Variants in IQCM observed in about 807,000 individuals in gnomAD.
IQCM encodes IQ motif containing M.
IQCM carries 45 observed loss-of-function variants against 57.6 expected under a neutral mutation model. The observed-to-expected ratio is 0.78, with a 90% CI of 0.62 to 1.00. The LOEUF is 1.00. Ranked by LOEUF, IQCM falls within the 50% of genes least tolerant of loss-of-function variation. The pLI, the probability that IQCM is intolerant of heterozygous loss-of-function variation, is 0.00. For missense variants in IQCM, 468 were observed against 511.6 expected (o/e 0.91, Z 0.82); for synonymous variants, 148 against 158.9 (o/e 0.93, Z 0.51).
intron 12 of IQCM, among the ~76,000 whole-genome samples, chr4:149,484,586 A>T (rs1227007879): frequency 6.6e-6 from 1 of 152,070 alleles, no homozygotes; most frequent in African/African-American, 2.4e-5. Flanking sequence ...TGCAAAAAAA[A>T]TTAAAAACTC....
Position 149,481,701 on chromosome 4 carries a change from G to GTTTTTTTTTTTTGTTTTTTGTTTTTT in IQCM, c.1229-48145_1229-48144insAAAAAACAAAAAACAAAAAAAAAAAA, listed in dbSNP as rs751057249. Among the ~76,000 whole-genome samples, 184 of 51,514 alleles carry GTTTTTTTTTTTTGTTTTTTGTTTTTT rather than the reference G, an allele frequency of 3.6e-3. 10 individuals carry two copies. Among genetic ancestry groups the GTTTTTTTTTTTTGTTTTTTGTTTTTT allele is most frequent in the Non-Finnish European group, 4.1e-3 (112 of 27,346 alleles). The allele number at this position is 51,514 out of a possible 152,430, so 33.8% of individuals were successfully genotyped here. A position where few individuals can be genotyped will look rare whatever the true frequency, so the allele number is the denominator to read the frequency against. ...CATGTAATGTGATTCTTCCAGTTTT[G>GTTTTTTTTTTTTGTTTTTTGTTTTTT]TTTTTTTTTTTTTTTTTTTTTGCTT... On this transcript the variant is annotated intron_variant, in intron 12 of 13. Transcript: ENST00000636793.
chr4:149,504,359 C>T (rs1257851828), intron 12 of IQCM, among the ~76,000 whole-genome samples: 2 of 152,144 alleles, frequency 1.3e-5, no homozygotes, highest in Non-Finnish European at 2.9e-5. Context: ...TCCATTTATT[C>T]ACTTAATAAA....
At chr4:149,656,885 G>A (rs1344764999) in intron 7 of IQCM, among the ~76,000 whole-genome samples, 1 of 152,116 alleles carries the variant, frequency 6.6e-6, no homozygotes, top group Non-Finnish European at 1.5e-5. Flanking sequence ...GTGTTTTAAG[G>A]AGAAGCAAAG....
intron 2 of IQCM, among the ~76,000 whole-genome samples, chr4:149,761,139 T>G (rs1178521730): frequency 1.3e-5 from 2 of 152,102 alleles, no homozygotes; most frequent in African/African-American, 4.8e-5. Context: ...ACTAAATAAG[T>G]GTTTAGAGCC....
chr4:149,538,258 G>A, intron 12 of IQCM, among the ~76,000 whole-genome samples: 1 of 151,704 alleles, frequency 6.6e-6, no homozygotes, highest in East Asian at 1.9e-4. Context: ...GGGATGACAG[G>A]AAGCTGTATT....
At chr4:149,661,373 G>A (rs1002713424) in intron 7 of IQCM, among the ~76,000 whole-genome samples, 1 of 152,092 alleles carries the variant, frequency 6.6e-6, no homozygotes, top group South Asian at 2.1e-4. Context: ...ATATTGTTGA[G>A]AATGTTTGCA....
chr4:149,575,534 G>A (rs1479495320), intron 9 of IQCM, among the ~76,000 whole-genome samples: 1 of 151,718 alleles, frequency 6.6e-6, no homozygotes, highest in Non-Finnish European at 1.5e-5. Context: ...GTACCTAAAG[G>A]AGATGTAATT....
At chr4:149,402,074 T>C (rs1215047332) in intron 13 of IQCM, among the ~76,000 whole-genome samples, 1 of 151,844 alleles carries the variant, frequency 6.6e-6, no homozygotes, top group African/African-American at 2.4e-5. Flanking sequence ...CTTGCAGTTG[T>C]TATTGCCATT....
intron 12 of IQCM, among the ~76,000 whole-genome samples, chr4:149,461,116 CTT>C (rs1738235979): frequency 6.6e-6 from 1 of 151,284 alleles, no homozygotes; most frequent in Admixed American, 6.6e-5. Flanking sequence ...CGCCTGTAAT[CTT>C]AGCTACTCAG....
intron 3 of IQCM, among the ~76,000 whole-genome samples, chr4:149,740,486 C>A (rs1339369168): frequency 6.6e-6 from 1 of 152,066 alleles, no homozygotes; most frequent in Non-Finnish European, 1.5e-5. Context: ...CATAAACCAC[C>A]AACACCCCCT....
At chr4:149,473,144 G>C (rs951587139) in intron 12 of IQCM, among the ~76,000 whole-genome samples, 1 of 152,200 alleles carries the variant, frequency 6.6e-6, no homozygotes, top group Non-Finnish European at 1.5e-5. Context: ...AAACTCAAGA[G>C]CTTCTGCACA....
chr4:149,740,061 C>T (rs1767313457), intron 3 of IQCM, among the ~76,000 whole-genome samples: 1 of 152,130 alleles, frequency 6.6e-6, no homozygotes, highest in South Asian at 2.1e-4. Flanking sequence ...GACCCAGGGG[C>T]TTAAAAACAT....
chr4:149,389,770 G>C (rs1226896798), intron 13 of IQCM, among the ~76,000 whole-genome samples: 1 of 151,632 alleles, frequency 6.6e-6, no homozygotes, highest in Non-Finnish European at 1.5e-5. Flanking sequence ...TGACGAGTTA[G>C]TGGGTGCAGC....
At chr4:149,541,997 T>A (rs921116156) in intron 12 of IQCM, among the ~76,000 whole-genome samples, 10 of 152,056 alleles carry the variant, frequency 6.6e-5, no homozygotes, top group Non-Finnish European at 1.2e-4. Flanking sequence ...ATCAAATTCT[T>A]TTAAGAATAG....
intron 10 of IQCM, among the ~76,000 whole-genome samples, chr4:149,557,783 T>G (rs1749731703): frequency 6.6e-6 from 1 of 152,144 alleles, no homozygotes; most frequent in Non-Finnish European, 1.5e-5. Context: ...ATCCACCCCC[T>G]CCAATCTCCT....
chr4:149,407,571 T>A (rs533732687), intron 13 of IQCM, among the ~76,000 whole-genome samples: 82 of 152,138 alleles, frequency 5.4e-4, no homozygotes, highest in Non-Finnish European at 9.0e-4. Flanking sequence ...GATTTTTTTT[T>A]AATTTTCTGT....
Position 149,444,704 on chromosome 4 carries a change from C to T in IQCM, c.1229-11147G>A, listed in dbSNP as rs371959190. ...TGAAAAAAAAACAGATTAGCAGGCA[C>T]TAAGATAAAATGAATCGAAGGAAAT... On this transcript the variant is annotated intron_variant, in intron 12 of 13. Transcript: ENST00000636793. 6.0e-5 allele frequency among the ~76,000 whole-genome samples: 9 copies of T among 151,032 alleles called. No homozygotes were observed. The East Asian group carries it at 9.8e-4, about 16-fold the overall frequency.
intron 5 of IQCM, among the ~76,000 whole-genome samples, chr4:149,689,058 C>A (rs1762756366): frequency 6.6e-6 from 1 of 151,858 alleles, no homozygotes; most frequent in Non-Finnish European, 1.5e-5. Context: ...ATTTCATAAC[C>A]AAGAACCCAA....
intron 5 of IQCM, among the ~76,000 whole-genome samples, chr4:149,719,352 A>G (rs929536792): frequency 2.6e-5 from 4 of 151,936 alleles, no homozygotes; most frequent in Non-Finnish European, 5.9e-5. Context: ...CTTAAAAAAA[A>G]AAAAAAGAAA....
Sources: allele counts gnomAD v4.1 joint callset (sites outside exome capture counted in the v4.1 genomes callset), GRCh38; gene constraint gnomAD v4.1.1; transcripts MANE v1.5; gene names NCBI Gene and HGNC (gene_info 2026-07-23, HGNC 2026-07-21).